The following ARHGAP6 variants were observed in gnomAD, a reference collection of about 807,000 sequenced individuals.
ARHGAP6 encodes rho GTPase-activating protein 6.
A neutral mutation model predicts 55.7 loss-of-function variants in ARHGAP6; 16 were observed. That is an observed-to-expected ratio of 0.29 (90% CI 0.19 to 0.44). ARHGAP6 has a LOEUF of 0.44. ARHGAP6 is among the 20% of genes least tolerant of loss of function. The probability of loss-of-function intolerance (pLI) is 1.00; values close to 1 mark genes in which losing one functional copy is unlikely to be tolerated. For synonymous variants in ARHGAP6, 382 were observed against 360.9 expected, an observed-to-expected ratio of 1.06 and a Z score of -0.66; for missense variants, 698 against 808.9, an observed-to-expected ratio of 0.86 and a Z score of 1.66.
At chrX:11,558,961 C>T (rs770131364) in intron 1 of ARHGAP6, among the ~76,000 whole-genome samples, 50 of 103,222 alleles carry the variant, frequency 4.8e-4, no homozygotes, top group African/African-American at 1.7e-3. Flanking sequence ...CAGTTAACTG[C>T]TTTGGGAATT....
chrX:11,594,811 G>A (rs908688284), intron 1 of ARHGAP6, among the ~76,000 whole-genome samples: 1 of 111,931 alleles, frequency 8.9e-6, no homozygotes, highest in Non-Finnish European at 1.9e-5. Flanking sequence ...ATAAAGATCT[G>A]TATTTCACAA....
intron 1 of ARHGAP6, among the ~76,000 whole-genome samples, chrX:11,422,825 A>G (rs1470273489): frequency 1.8e-5 from 2 of 112,507 alleles, no homozygotes; most frequent in African/African-American, 6.5e-5. Context: ...AACATCCAAC[A>G]GGAATCTGAT....
chrX:11,296,891 A>G lies in ARHGAP6; in HGVS notation c.589-42184T>C, dbSNP rs1569290575. On this transcript the variant is annotated intron_variant, in intron 1 of 12. Coordinates refer to ENST00000337414, the MANE Select transcript of ARHGAP6 (RefSeq NM_013427.3). ...TAACAATGCCCTGGGCTCTGTAAAG[A>G]ATAGTGTGTTGATTCTTTATCCCAG... 7.0e-6 allele frequency: 8 copies of G among 1,135,417 alleles called. No individual in the cohort carries two copies. In the East Asian group the frequency reaches 2.1e-4, roughly 30 times the overall value. 93.6% of individuals were successfully genotyped at this position (1,135,417 alleles called of 1,213,427 possible). A position where few individuals can be genotyped will look rare whatever the true frequency, so the allele number is the denominator to read the frequency against.
At chrX:11,189,525 G>A (rs1292059201) in intron 3 of ARHGAP6, among the ~76,000 whole-genome samples, 1 of 111,842 alleles carries the variant, frequency 8.9e-6, no homozygotes, top group Non-Finnish European at 1.9e-5. Context: ...CAGAGGAGCA[G>A]CTTGGGAACT....
intron 1 of ARHGAP6, among the ~76,000 whole-genome samples, chrX:11,463,225 C>A (rs1444112893): frequency 8.9e-6 from 1 of 111,795 alleles, no homozygotes; most frequent in Non-Finnish European, 1.9e-5. Context: ...TATGGGTGTT[C>A]TGGAAAAGGT....
At chrX:11,602,602 G>A (rs1157842227) in intron 1 of ARHGAP6, among the ~76,000 whole-genome samples, 1 of 112,726 alleles carries the variant, frequency 8.9e-6, no homozygotes, top group Admixed American at 9.3e-5. Flanking sequence ...CCTGGGCATG[G>A]GAGAGGGATT....
At chrX:11,425,907 A>G (rs1266542379) in intron 1 of ARHGAP6, among the ~76,000 whole-genome samples, 1 of 111,469 alleles carries the variant, frequency 9.0e-6, no homozygotes, top group Non-Finnish European at 1.9e-5. Flanking sequence ...ACAGTTCAAA[A>G]AGGTGGTGGG....
chrX:11,150,533 G>A (rs2045760605), intron 10 of ARHGAP6, among the ~76,000 whole-genome samples: 1 of 111,972 alleles, frequency 8.9e-6, no homozygotes, highest in African/African-American at 3.2e-5. Context: ...TTTTATGTAT[G>A]CCCAAACAGA....
chrX:11,205,895 T>A (rs1266643539), intron 2 of ARHGAP6, among the ~76,000 whole-genome samples: 1 of 112,276 alleles, frequency 8.9e-6, no homozygotes, highest in Non-Finnish European at 1.9e-5. Flanking sequence ...AGAGATTCTA[T>A]ATATTTAGCA....
At chrX:11,649,486 TC>T (rs1386261905) in intron 1 of ARHGAP6, among the ~76,000 whole-genome samples, 2 of 111,733 alleles carry the variant, frequency 1.8e-5, no homozygotes, top group African/African-American at 6.5e-5. Context: ...GGAACTTGAA[TC>T]ATCCCTTTTT....
intron 1 of ARHGAP6, among the ~76,000 whole-genome samples, chrX:11,356,048 T>G (rs1244249669): frequency 1.8e-5 from 2 of 111,889 alleles, no homozygotes; most frequent in African/African-American, 6.5e-5. Flanking sequence ...TGATGTTTTA[T>G]TCTTTTTCAC....
chrX:11,300,680 T>C lies in ARHGAP6; in HGVS notation c.589-45973A>G, dbSNP rs1555985419. ...CAGGAGTGACACAAGAACACAATGA[T>C]TTTTGCTTATAATCACTTTACTTAG... On this transcript the variant is annotated intron_variant, in intron 1 of 12. Transcript: ENST00000337414. 8 of 1,057,043 alleles carry C rather than the reference T, an allele frequency of 7.6e-6. No homozygotes were observed. In the South Asian group the frequency reaches 1.4e-4, roughly 19 times the overall value. The allele number at this position is 1,057,043 out of a possible 1,213,427, so 87.1% of individuals were successfully genotyped here.
chrX:11,444,721 A>T (rs974371540), intron 1 of ARHGAP6, among the ~76,000 whole-genome samples: 3 of 110,166 alleles, frequency 2.7e-5, no homozygotes, highest in African/African-American at 1.0e-4. Flanking sequence ...ACCGATTCTG[A>T]TTACAGGGTC....
At chrX:11,182,325 T>C (rs2046324662) in intron 5 of ARHGAP6, among the ~76,000 whole-genome samples, 1 of 112,085 alleles carries the variant, frequency 8.9e-6, no homozygotes, top group Admixed American at 9.5e-5. Flanking sequence ...GAATTTTACG[T>C]TAAATGTTTC....
intron 10 of ARHGAP6, among the ~76,000 whole-genome samples, chrX:11,151,095 A>G (rs1428773063): frequency 9.0e-6 from 1 of 111,287 alleles, no homozygotes; most frequent in Non-Finnish European, 1.9e-5. Flanking sequence ...CATTCAACAT[A>G]TCCTGTCCTG....
intron 1 of ARHGAP6, among the ~76,000 whole-genome samples, chrX:11,289,479 C>A (rs959136133): frequency 1.8e-5 from 2 of 111,024 alleles, no homozygotes; most frequent in South Asian, 7.6e-4. Flanking sequence ...TGTGTTTTGG[C>A]GAATATCTCC....
chrX:11,661,635 A>G (rs1317333294), intron 1 of ARHGAP6, among the ~76,000 whole-genome samples: 1 of 112,571 alleles, frequency 8.9e-6, no homozygotes, highest in East Asian at 2.8e-4. Context: ...AGGATTTCAT[A>G]TGGATTCAAT....
rs147629606 is a variant in ARHGAP6, at chrX:11,463,034, T to C, written c.588+201207A>G. 5.4e-3 allele frequency among the ~76,000 whole-genome samples: 612 copies of C among 112,517 alleles called. 3 individuals are homozygous for C. Among genetic ancestry groups the C allele is most frequent in the Non-Finnish European group, 7.7e-3 (408 of 53,291 alleles). On this transcript the variant is annotated intron_variant, in intron 1 of 12. Coordinates refer to ENST00000337414, the MANE Select transcript of ARHGAP6 (RefSeq NM_013427.3). ...AATCTGGGTATCCATCTTTTTACTT[T>C]ATGATTCCTTTTAGGTGTCTCCCAT...
In ARHGAP6 at chrX:11,465,498, C is replaced by T. The variant is rs897035174; in HGVS notation, c.588+198743G>A. 4.5e-5 allele frequency among the ~76,000 whole-genome samples: 5 copies of T among 111,974 alleles called. No individual in the cohort carries two copies. In the Admixed American group the frequency reaches 4.7e-4, roughly 11 times the overall value. Reference sequence around the variant, plus strand: ...TATATATTTCATTTAACCCAAATATCCCAAATCGTATTTCAACATGGAATT... The same window carrying T: ...TATATATTTCATTTAACCCAAATATTCCAAATCGTATTTCAACATGGAATT... On this transcript the variant is annotated intron_variant, in intron 1 of 12. Transcript: ENST00000337414.
Sources: allele counts gnomAD v4.1 joint callset (sites outside exome capture counted in the v4.1 genomes callset), GRCh38; gene constraint gnomAD v4.1.1; transcripts MANE v1.5; gene names NCBI Gene and HGNC (gene_info 2026-07-23, HGNC 2026-07-21).